ASTN2: variants seen among roughly 807,000 people sequenced by gnomAD.
ASTN2 encodes astrotactin 2, also known as astrotactin-2.
Under a neutral mutation model 139.8 loss-of-function variants are expected in ASTN2, and 54 were observed. That is an observed-to-expected ratio of 0.39 (90% confidence interval 0.31 to 0.48). ASTN2 has a LOEUF of 0.48. Among genes scored for constraint, ASTN2 ranks in the 20% least tolerant of loss-of-function variants. The pLI, the probability that ASTN2 is intolerant of heterozygous loss-of-function variation, is 0.95. For synonymous variants in ASTN2, 756 were observed against 719.5 expected, an observed-to-expected ratio of 1.05 and a Z score of -0.81; for missense variants, 1,565 against 1,725.1, an observed-to-expected ratio of 0.91 and a Z score of 1.64.
chr9:116,971,195 A>G (rs1335265322), intron 10 of ASTN2, among the ~76,000 whole-genome samples: 3 of 152,094 alleles, frequency 2.0e-5, no homozygotes, highest in Non-Finnish European at 4.4e-5. Context: ...TTGCTCTTCC[A>G]CCTTTGTAGC....
intron 17 of ASTN2, among the ~76,000 whole-genome samples, chr9:116,631,203 G>C (rs1352545622): frequency 2.6e-5 from 4 of 152,080 alleles, no homozygotes; most frequent in Admixed American, 6.5e-5. Context: ...TCTCACTACT[G>C]GGCATATATA....
intron 11 of ASTN2, among the ~76,000 whole-genome samples, chr9:116,855,950 T>A (rs950856773): frequency 6.6e-6 from 1 of 152,176 alleles, no homozygotes. Context: ...TTTAGTAGCT[T>A]TAATAATATT....
rs556287202 is a variant in ASTN2, at chr9:117,027,803, C to T, written c.1423+12016G>A. 1.1e-4 allele frequency among the ~76,000 whole-genome samples: 16 copies of T among 152,256 alleles called. No homozygotes were observed. In the South Asian group the frequency reaches 1.9e-3, roughly 18 times the overall value. The stretch of plus-strand genomic sequence containing the variant: ...ATAGTTATCCTAACATTTTAAATGA[C>T]ACATGTGATCCCTGTGAGGGTGTGA... On this transcript the variant is annotated intron_variant, in intron 6 of 22. Transcript: ENST00000313400.
chr9:116,839,502 CAG>C (rs1435690436), intron 11 of ASTN2, among the ~76,000 whole-genome samples: 3 of 151,858 alleles, frequency 2.0e-5, no homozygotes, highest in Non-Finnish European at 4.4e-5. Flanking sequence ...CCTTTTGAGA[CAG>C]AGTCTCGCTC....
chr9:117,062,386 A>G (rs1339766316), intron 5 of ASTN2, among the ~76,000 whole-genome samples: 1 of 152,194 alleles, frequency 6.6e-6, no homozygotes, highest in African/African-American at 2.4e-5. Flanking sequence ...TTATTGAGCA[A>G]GTGCAACTTT....
chr9:117,319,151 A>G (rs1185162349), intron 1 of ASTN2, among the ~76,000 whole-genome samples: 1 of 152,084 alleles, frequency 6.6e-6, no homozygotes, highest in Admixed American at 6.5e-5. Flanking sequence ...GCTTTTTTTT[A>G]TTAAATATGT....
intron 2 of ASTN2, among the ~76,000 whole-genome samples, chr9:117,276,515 T>C (rs1834193062): frequency 6.6e-6 from 1 of 152,130 alleles, no homozygotes; most frequent in African/African-American, 2.4e-5. Flanking sequence ...ACCAACATAT[T>C]TCACTCCCTA....
chr9:117,093,509 C>T (rs1828758150), intron 5 of ASTN2, among the ~76,000 whole-genome samples: 1 of 152,154 alleles, frequency 6.6e-6, no homozygotes, highest in Non-Finnish European at 1.5e-5. Flanking sequence ...TAGTACTATG[C>T]TCTGTTGCTC....
intron 5 of ASTN2, among the ~76,000 whole-genome samples, chr9:117,065,473 T>C (rs1031810947): frequency 6.6e-6 from 1 of 152,198 alleles, no homozygotes; most frequent in Non-Finnish European, 1.5e-5. Flanking sequence ...CAAACCTCTT[T>C]GATGTTCTTA....
chr9:116,739,412 T>C (rs915295260), intron 13 of ASTN2, among the ~76,000 whole-genome samples: 1 of 152,142 alleles, frequency 6.6e-6, no homozygotes, highest in African/African-American at 2.4e-5. Flanking sequence ...TGTCCTTAAG[T>C]TCCTTTTCTG....
chr9:116,923,958 G>A (rs1325928200), intron 10 of ASTN2, among the ~76,000 whole-genome samples: 4 of 152,188 alleles, frequency 2.6e-5, no homozygotes. Context: ...GCAGGGCCCT[G>A]AGGTGAAGGC....
At chr9:117,177,963 C>T (rs543681510) in intron 3 of ASTN2, among the ~76,000 whole-genome samples, 28 of 152,288 alleles carry the variant, frequency 1.8e-4, no homozygotes, top group African/African-American at 6.5e-4. Context: ...ACCATCAACT[C>T]CAAGGCCCCG....
chr9:117,044,600 T>C (rs1304133981), intron 5 of ASTN2, among the ~76,000 whole-genome samples: 1 of 152,124 alleles, frequency 6.6e-6, no homozygotes, highest in Non-Finnish European at 1.5e-5. Context: ...ACTCACACCC[T>C]CCCAAAGCAG....
intron 1 of ASTN2, among the ~76,000 whole-genome samples, chr9:117,309,281 A>G (rs1299334126): frequency 6.6e-6 from 1 of 152,176 alleles, no homozygotes; most frequent in Non-Finnish European, 1.5e-5. Context: ...TGCATCTACT[A>G]CTTATGGTAG....
At chr9:117,023,118 A>G (rs1417009500) in intron 6 of ASTN2, among the ~76,000 whole-genome samples, 1 of 152,126 alleles carries the variant, frequency 6.6e-6, no homozygotes, top group African/African-American at 2.4e-5. Flanking sequence ...AGTGGAATGA[A>G]CCAGCTTAGC....
chr9:117,183,042 C>A (rs1297939554), intron 3 of ASTN2, among the ~76,000 whole-genome samples: 1 of 152,214 alleles, frequency 6.6e-6, no homozygotes, highest in East Asian at 1.9e-4. Flanking sequence ...CAGCTTAAAT[C>A]TTCCTTCCTC....
At chr9:116,987,389 G>A (rs546245490) in intron 7 of ASTN2, among the ~76,000 whole-genome samples, 1 of 152,376 alleles carries the variant, frequency 6.6e-6, no homozygotes, top group South Asian at 2.1e-4. Flanking sequence ...GAGGCTGCCA[G>A]CCAGGTCCCA....
chr9:116,971,646 C>T (rs72755699), intron 10 of ASTN2, among the ~76,000 whole-genome samples: 5,493 of 152,222 alleles, frequency 0.036, 157 homozygotes, highest in East Asian at 0.14. Context: ...GAGCAACTAT[C>T]GATTTTCAGT....
chr9:116,702,617 C>T (rs550562446), intron 16 of ASTN2, among the ~76,000 whole-genome samples: 14 of 152,248 alleles, frequency 9.2e-5, no homozygotes, highest in Non-Finnish European at 1.9e-4. Context: ...ATTTACCTGA[C>T]TTAATGGGAC....
Sources: gnomAD v4.1 joint callset for allele counts (sites outside exome capture counted in the v4.1 genomes callset) on GRCh38, gnomAD v4.1.1 for gene constraint, MANE v1.5 for transcripts, NCBI Gene and HGNC (gene_info 2026-07-23, HGNC 2026-07-21) for gene names.